Variants in CDRT4 observed in about 807,000 individuals in gnomAD.
CDRT4 encodes the protein CMT1A duplicated region transcript 4 protein.
For missense variants in CDRT4, 167 were observed against 193.1 expected (o/e 0.87, Z 0.80); for synonymous variants, 64 against 69.6 (o/e 0.92, Z 0.40).
intron 1 of CDRT4, among the ~76,000 whole-genome samples, chr17:15,462,072 T>C (rs192342032): frequency 6.6e-6 from 1 of 152,104 alleles, no homozygotes; most frequent in East Asian, 1.9e-4. Flanking sequence ...ACAGCACACT[T>C]AGGGAACTGC....
At chr17:15,456,805 C>T (rs1323242028) in intron 1 of CDRT4, among the ~76,000 whole-genome samples, 1 of 152,180 alleles carries the variant, frequency 6.6e-6, no homozygotes, top group Non-Finnish European at 1.5e-5. Context: ...CTGAATTGCT[C>T]ACCAATCCAG....
intron 1 of CDRT4, among the ~76,000 whole-genome samples, chr17:15,459,603 C>A (rs2150798215): frequency 6.6e-6 from 1 of 152,062 alleles, no homozygotes; most frequent in Non-Finnish European, 1.5e-5. Flanking sequence ...CGCCACCACG[C>A]CTGGCTAATT....
At chr17:15,466,491 C>T (rs137971096) in intron 1 of CDRT4, among the ~76,000 whole-genome samples, 1 of 152,304 alleles carries the variant, frequency 6.6e-6, no homozygotes, top group African/African-American at 2.4e-5. Context: ...TTGTTTCATT[C>T]ACTGGTGTCT....
chr17:15,460,687 T>G (rs1156564853), intron 1 of CDRT4, among the ~76,000 whole-genome samples: 1 of 152,112 alleles, frequency 6.6e-6, no homozygotes, highest in Non-Finnish European at 1.5e-5. Context: ...TTGCCCCCTG[T>G]GTAATCTGTT....
chr17:15,439,273 TA>T (rs10707095), intron 3 of CDRT4: 95,831 of 338,978 alleles, frequency 0.28, 11,385 homozygotes, highest in East Asian at 0.51. Flanking sequence ...TGAATGCAGT[TA>T]AAAAAAAAAA....
rs1052178495 is a variant in CDRT4, at chr17:15,436,267, G to A, written c.*1506C>T. ...CTGCAAACGTTTACACAAGACCCTT[G>A]AATGGAGAACATGCCTTGTAGGGCA... On this transcript the variant is annotated 3_prime_UTR_variant, in exon 4 of 4. Transcript: ENST00000619038. The A allele has an allele frequency of 1.4e-4, 21 of 152,148 alleles. No homozygotes were observed. Among genetic ancestry groups the A allele is most frequent in the African/African-American group, 5.1e-4 (21 of 41,402 alleles). 9.4% of individuals were successfully genotyped at this position (152,148 alleles called of 1,614,324 possible). A position where few individuals can be genotyped will look rare whatever the true frequency, so the allele number is the denominator to read the frequency against.
chr17:15,449,842 T>C (rs952332300), intron 2 of CDRT4, among the ~76,000 whole-genome samples: 1 of 152,242 alleles, frequency 6.6e-6, no homozygotes, highest in African/African-American at 2.4e-5. Flanking sequence ...TTAGTTTACT[T>C]AGAATAATGG....
At position 15,440,204 on chromosome 17, in the gene CDRT4, C is replaced by G; in HGVS notation, c.31+4G>C. The G allele has an allele frequency of 6.2e-7, 1 of 1,613,166 alleles. No individual in the cohort carries two copies. Among genetic ancestry groups the G allele is most frequent in the South Asian group, 1.1e-5 (1 of 91,058 alleles). ...GCTTCCACTGGTAACACTCCCAACC[C>G]TACCTTCTTCTTTCTTCATCCTTCT... On this transcript the variant is annotated splice_donor_region_variant and intron_variant, in intron 3 of 3. Transcript: ENST00000619038.
chr17:15,457,087 T>C (rs1979519894), intron 1 of CDRT4, among the ~76,000 whole-genome samples: 2 of 152,138 alleles, frequency 1.3e-5, no homozygotes, highest in Non-Finnish European at 2.9e-5. Context: ...TTTGCCTCTG[T>C]ACCTCGGTTT....
At chr17:15,440,099 A>T (rs1978686010) in intron 3 of CDRT4, 109 bp downstream of exon 3, 5 of 952,116 alleles carry the variant, frequency 5.3e-6, no homozygotes, top group Non-Finnish European at 7.4e-6. Context: ...AAAAATATAT[A>T]TTAAAAAAAA....
intron 2 of CDRT4, 48 bp from the exon 3 acceptor site, chr17:15,440,333 C>T: frequency 6.3e-7 from 1 of 1,593,390 alleles, no homozygotes; most frequent in South Asian, 1.1e-5. Context: ...AACTGGAAAG[C>T]AATTAGTAGC....
intron 1 of CDRT4, among the ~76,000 whole-genome samples, chr17:15,455,919 C>A (rs1340015827): frequency 1.3e-5 from 2 of 152,126 alleles, no homozygotes. Context: ...GGTTCCTGGC[C>A]CACAGAAACT....
intron 2 of CDRT4, chr17:15,443,891 C>T: frequency 1.6e-6 from 1 of 632,216 alleles, no homozygotes; most frequent in South Asian, 1.4e-5. Context: ...TGGGCTTCCA[C>T]TACAAGTTGA....
At chr17:15,451,339 T>C (rs1173799693) in intron 2 of CDRT4, among the ~76,000 whole-genome samples, 1 of 152,214 alleles carries the variant, frequency 6.6e-6, no homozygotes, top group African/African-American at 2.4e-5. Context: ...CTTTATAAAT[T>C]ACCCAGTCTC....
rs1013768523 is a variant in CDRT4 at position 15,450,913 on chromosome 17, C to T, written c.-48+2091G>A. Reference sequence around the variant, plus strand: ...CTCCAGCCCATTATCCTCCCCAAACCCAGCATGATTTAACTTCTCTACACC... The same window carrying T: ...CTCCAGCCCATTATCCTCCCCAAACTCAGCATGATTTAACTTCTCTACACC... On this transcript the variant is annotated intron_variant, in intron 2 of 3. Transcript: ENST00000619038. This position sits in a 1 kb window ranked among gnomAD's most constrained non-coding sequence, Gnocchi z 4.2. 1.3e-5 allele frequency among the ~76,000 whole-genome samples: 2 copies of T among 152,070 alleles called. No individual in the cohort carries two copies. The highest frequency in any genetic ancestry group is 2.9e-5 in the Non-Finnish European group (2 of 68,018).
At position 15,437,651 on chromosome 17, in the gene CDRT4, A is replaced by C; in HGVS notation, c.*122T>G. ...CTTAGCCAAGCTCCGCATGAGCAAG[A>C]GCAAGTTCAGATTTAAAGGACACTG... On this transcript the variant is annotated 3_prime_UTR_variant, in exon 4 of 4. Coordinates refer to ENST00000619038, the MANE Select transcript of CDRT4 (RefSeq NM_001204477.2). 1 of 1,045,354 alleles carries C rather than the reference A, an allele frequency of 9.6e-7. No homozygotes were observed. The highest frequency in any genetic ancestry group is 1.4e-6 in the Non-Finnish European group (1 of 723,504). The allele number at this position is 1,045,354 out of a possible 1,614,324, so 64.8% of individuals were successfully genotyped here.
chr17:15,467,199 A>C (rs1342348349), intron 1 of CDRT4, among the ~76,000 whole-genome samples: 1 of 152,192 alleles, frequency 6.6e-6, no homozygotes, highest in Non-Finnish European at 1.5e-5. Flanking sequence ...AGACAAAGTA[A>C]ATCAGAATCC....
chr17:15,437,816 G>T lies in CDRT4; in HGVS notation c.416C>A (p.Ala139Asp), dbSNP rs1978562062. The change falls in exon 4 of 4, where the codon GCC becomes GAC. Residue 139 changes from alanine (A) to aspartate (D), a missense_variant. Physicochemically the swap from Ala to Asp is moderately radical, Grantham distance 126. Coordinates refer to ENST00000619038, the MANE Select transcript of CDRT4 (RefSeq NM_001204477.2). Reference protein sequence around the residue: ...PTENYNKIIFARKPMMRMLPT... With the variant: ...PTENYNKIIFDRKPMMRMLPT... ...GAGCATCCTCATCATAGGCTTGCGG[G>T]CAAAGATGATCTTGTTATAGTTTTC... is the stretch of plus-strand genomic sequence containing the variant. 4 of 1,614,154 alleles carry T rather than the reference G, an allele frequency of 2.5e-6. No homozygotes were observed. The East Asian group carries it at 8.9e-5, about 36-fold the overall frequency.
Position 15,443,793 on chromosome 17 carries a change from G to A in CDRT4, c.-47-3508C>T, listed in dbSNP as rs79449151. On this transcript the variant is annotated intron_variant, in intron 2 of 3. Transcript: ENST00000619038. ...TCGGACAGAAAACAAAAAAGGCTCC[G>A]GGTTGACAAAGGGTGGGGTAACGGA... 2,385 of 531,470 alleles carry A rather than the reference G, an allele frequency of 4.5e-3. 43 individuals are homozygous for A. Among genetic ancestry groups the A allele is most frequent in the African/African-American group, 0.041 (2,124 of 52,072 alleles). The allele number at this position is 531,470 out of a possible 1,614,324, so 32.9% of individuals were successfully genotyped here. A position where few individuals can be genotyped will look rare whatever the true frequency, so the allele number is the denominator to read the frequency against.
Sources: allele counts gnomAD v4.1 joint callset (sites outside exome capture counted in the v4.1 genomes callset), GRCh38; gene constraint gnomAD v4.1.1; non-coding constraint Gnocchi (gnomAD v3.1); transcripts MANE v1.5; gene names NCBI Gene and HGNC (gene_info 2026-07-23, HGNC 2026-07-21).